The following PHF21A variants were observed in gnomAD, a reference collection of about 807,000 sequenced individuals.
PHF21A encodes BHC80a.
In PHF21A, 11 loss-of-function variants were observed where a neutral mutation model predicts 82.5. The ratio of observed to expected loss-of-function variants is 0.13; its 90% confidence interval spans 0.08 to 0.22. The LOEUF (loss-of-function observed/expected upper bound fraction) is 0.22, where lower values mean the gene tolerates loss of function less well. PHF21A is among the 10% of genes least tolerant of loss of function. The pLI, the probability that PHF21A is intolerant of heterozygous loss-of-function variation, is 1.00. For missense variants in PHF21A, 579 were observed against 837.8 expected, an observed-to-expected ratio of 0.69 and a Z score of 3.81; for synonymous variants, 297 against 302.8, an observed-to-expected ratio of 0.98 and a Z score of 0.20.
intron 6 of PHF21A, among the ~76,000 whole-genome samples, chr11:46,038,754 C>T (rs1188852074): frequency 1.3e-5 from 2 of 152,062 alleles, no homozygotes; most frequent in Non-Finnish European, 2.9e-5. Flanking sequence ...GTTTCTCTTC[C>T]TTTTCTTATA....
At chr11:46,031,198 T>C (rs1388387199) in intron 6 of PHF21A, among the ~76,000 whole-genome samples, 3 of 152,168 alleles carry the variant, frequency 2.0e-5, no homozygotes, top group Non-Finnish European at 2.9e-5. Flanking sequence ...ATCTTGTTGA[T>C]TGTTCTGCAA....
chr11:45,934,972 C>A, intron 18 of PHF21A: 1 of 498,990 alleles, frequency 2.0e-6, no homozygotes, highest in Non-Finnish European at 3.7e-6. Flanking sequence ...CACCTGGTAT[C>A]CATGAGGGCT....
rs572278261 is a variant in PHF21A at position 46,082,753 on chromosome 11, G to C, written c.54+1413C>G. Among the ~76,000 whole-genome samples, 3 of 152,206 alleles carry C rather than the reference G, an allele frequency of 2.0e-5. No individual in the cohort carries two copies. In the South Asian group the frequency reaches 6.2e-4, roughly 32 times the overall value. ...TGATGTTTATAAAATTGGTATGCTT[G>C]AATTCAGAATATGAAACAAAATATT... On this transcript the variant is annotated intron_variant, in intron 4 of 18. Transcript: ENST00000676320.
chr11:45,934,370 T>A, intron 18 of PHF21A, 145 bp from the exon 19 acceptor site: 1 of 780,628 alleles, frequency 1.3e-6, no homozygotes, highest in Non-Finnish European at 2.0e-6. Context: ...GCTGTGTTCC[T>A]CAGTGGAGTG....
chr11:45,938,346 C>CA (rs768631999), intron 15 of PHF21A, 34 bp from the exon 16 acceptor site: 137 of 1,569,950 alleles, frequency 8.7e-5, no homozygotes, highest in Non-Finnish European at 1.1e-4. Flanking sequence ...AGAAAAAGGA[C>CA]AAAAAAGGTA....
chr11:46,022,791 C>CT (rs889373893), intron 6 of PHF21A, among the ~76,000 whole-genome samples: 23 of 151,596 alleles, frequency 1.5e-4, no homozygotes, highest in East Asian at 1.4e-3. Flanking sequence ...AGTTTCCTTT[C>CT]TTTTTTTTTG....
At chr11:46,085,914 A>C (rs1451194263) in intron 3 of PHF21A, among the ~76,000 whole-genome samples, 1 of 152,164 alleles carries the variant, frequency 6.6e-6, no homozygotes, top group Non-Finnish European at 1.5e-5. Flanking sequence ...TAGATTATAT[A>C]ACATCAAAAT....
chr11:45,935,327 A>G, intron 18 of PHF21A: 1 of 1,053,668 alleles, frequency 9.5e-7, no homozygotes, highest in South Asian at 1.3e-5. Context: ...ACACACTGTC[A>G]GGAATACGCA....
chr11:46,040,890 GACACACACACACACACACAC>G (rs35673374), intron 6 of PHF21A, among the ~76,000 whole-genome samples: 1 of 137,320 alleles, frequency 7.3e-6, no homozygotes, highest in East Asian at 2.2e-4. Context: ...CTGACAGGAA[GACACACACACACACACACAC>G]ACACACACAC....
chr11:45,965,779 A>G (rs1488509008), intron 9 of PHF21A, among the ~76,000 whole-genome samples, 171 bp from the exon 10 acceptor site: 1 of 152,136 alleles, frequency 6.6e-6, no homozygotes, highest in South Asian at 2.1e-4. Context: ...AAGACTCATC[A>G]GCTCTTGAGG....
intron 6 of PHF21A, among the ~76,000 whole-genome samples, chr11:46,063,672 T>G (rs1425092593): frequency 6.6e-6 from 1 of 152,092 alleles, no homozygotes; most frequent in East Asian, 1.9e-4. Context: ...ACTTTACCCA[T>G]AAAGTATATA....
At chr11:46,002,065 CA>C (rs1176173623) in intron 6 of PHF21A, among the ~76,000 whole-genome samples, 4 of 152,004 alleles carry the variant, frequency 2.6e-5, no homozygotes. Flanking sequence ...TTAGTGAAAA[CA>C]AAACAGTAAA....
At chr11:46,117,832 T>C (rs1472429873) in intron 1 of PHF21A, 1 of 152,210 alleles carries the variant, frequency 6.6e-6, no homozygotes, top group African/African-American at 2.4e-5. Flanking sequence ...CCTTATACTA[T>C]CCGCAATCGC....
chr11:45,990,456 C>T (rs2094654490), intron 6 of PHF21A, among the ~76,000 whole-genome samples: 2 of 151,518 alleles, frequency 1.3e-5, no homozygotes, highest in Admixed American at 6.6e-5. Context: ...GACATGGTTT[C>T]GCCATGTTGC....
intron 6 of PHF21A, among the ~76,000 whole-genome samples, chr11:46,017,501 G>A (rs897290482): frequency 2.6e-5 from 4 of 151,732 alleles, no homozygotes; most frequent in Middle Eastern, 6.8e-3. Flanking sequence ...GTGGTGGTAG[G>A]AAGCTATTTG....
intron 6 of PHF21A, among the ~76,000 whole-genome samples, chr11:46,034,018 C>A (rs1223216920): frequency 6.6e-6 from 1 of 152,118 alleles, no homozygotes; most frequent in Non-Finnish European, 1.5e-5. Context: ...TTATCCTTGC[C>A]AATGATTGTT....
At chr11:46,030,830 C>CGTGCGTGTGTGT (rs2095850750) in intron 6 of PHF21A, among the ~76,000 whole-genome samples, 1 of 142,212 alleles carries the variant, frequency 7.0e-6, no homozygotes, top group South Asian at 2.3e-4. Flanking sequence ...CGTGTGTGTG[C>CGTGCGTGTGTGT]GTGTGTGTGT....
chr11:46,024,713 T>C (rs984144248), intron 6 of PHF21A, among the ~76,000 whole-genome samples: 2 of 152,062 alleles, frequency 1.3e-5, no homozygotes, highest in African/African-American at 4.8e-5. Context: ...GGCAGGAGAA[T>C]AGCTAGAACC....
chr11:46,109,120 C>T (rs2097183146), intron 1 of PHF21A, among the ~76,000 whole-genome samples: 1 of 152,172 alleles, frequency 6.6e-6, no homozygotes, highest in African/African-American at 2.4e-5. Context: ...ATGGGAATTA[C>T]ATAGTTTAGT....
Sources: gnomAD v4.1 joint callset for allele counts (sites outside exome capture counted in the v4.1 genomes callset) on GRCh38, gnomAD v4.1.1 for gene constraint, MANE v1.5 for transcripts, NCBI Gene and HGNC (gene_info 2026-07-23, HGNC 2026-07-21) for gene names.